NBR1: variants seen among roughly 807,000 people sequenced by gnomAD.
The protein encoded by NBR1 is NBR1 autophagy cargo receptor.
A neutral mutation model predicts 115.5 loss-of-function variants in NBR1; 59 were observed. That is an observed-to-expected ratio of 0.51 (90% CI 0.41 to 0.63). NBR1 has a LOEUF of 0.63. Ranked by LOEUF, NBR1 falls within the 30% of genes least tolerant of loss-of-function variation. The pLI, the probability that NBR1 is intolerant of heterozygous loss-of-function variation, is 0.00. For missense variants in NBR1, 1,043 were observed against 1,150.5 expected, an observed-to-expected ratio of 0.91 and a Z score of 1.35; for synonymous variants, 373 against 414.7, an observed-to-expected ratio of 0.90 and a Z score of 1.22.
intron 4 of NBR1, among the ~76,000 whole-genome samples, chr17:43,180,022 G>C (rs2056623790): frequency 6.6e-6 from 1 of 152,152 alleles, no homozygotes; most frequent in South Asian, 2.1e-4. Flanking sequence ...GCAACAAAAA[G>C]GGAGTTTGTC....
intron 20 of NBR1, among the ~76,000 whole-genome samples, chr17:43,205,861 G>C (rs2057303839): frequency 1.5e-5 from 2 of 137,284 alleles, no homozygotes; most frequent in South Asian, 5.4e-4. Context: ...GTGGGTGACA[G>C]AGTGAGACCA....
chr17:43,186,150 A>C, intron 5 of NBR1, 100 bp from the exon 6 acceptor site: 1 of 1,001,504 alleles, frequency 1.0e-6, no homozygotes. Context: ...AGTATTTTCT[A>C]GCATAACTTA....
At chr17:43,190,035 T>G in intron 8 of NBR1, 3 of 533,150 alleles carry the variant, frequency 5.6e-6, no homozygotes, top group Non-Finnish European at 1.0e-5. Flanking sequence ...CAAAATTATG[T>G]TCCCCTGAAC....
rs1297793874 is a variant in NBR1, at chr17:43,177,939, A to G, written c.106A>G (p.Lys36Glu). 1 of 1,537,062 alleles carries G rather than the reference A, an allele frequency of 6.5e-7. No homozygotes were observed. The highest frequency in any genetic ancestry group is 2.3e-5 in the East Asian group (1 of 43,262). ...TTWADIEAMV[K>E]VSFDLNTIQI... Reference sequence around the variant, plus strand: ...TAAATATGTATCTCTTTTATAGGTAAAAGTTTCATTTGATCTGAATACTAT... The same window carrying G: ...TAAATATGTATCTCTTTTATAGGTAGAAGTTTCATTTGATCTGAATACTAT... The change falls in exon 3 of 21, where the codon AAA becomes GAA. Residue 36 changes from lysine to glutamate, a missense_variant. Transcript: ENST00000590996.
At chr17:43,181,534 C>CG (rs1354433810) in intron 5 of NBR1, among the ~76,000 whole-genome samples, 3 of 130,398 alleles carry the variant, frequency 2.3e-5, no homozygotes, top group Non-Finnish European at 5.1e-5. Flanking sequence ...CGGGCGTGGG[C>CG]GGGTGCCTGT....
rs763155107 is a variant in NBR1 at position 43,202,747 on chromosome 17, A to T, written c.2621+35A>T. The T allele has an allele frequency of 1.9e-5, 29 of 1,513,188 alleles. No individual in the cohort carries two copies. The South Asian group carries it at 3.5e-4, about 18-fold the overall frequency. The allele number at this position is 1,513,188 out of a possible 1,614,324, so 93.7% of individuals were successfully genotyped here. On this transcript the variant is annotated intron_variant, in intron 19 of 20. Transcript: ENST00000590996. ...TTGTGCAGTCTCTTTTTTCAGAAGC[A>T]GGTGGATATTCTTGTATTCCTTCTG...
intron 18 of NBR1, among the ~76,000 whole-genome samples, chr17:43,202,098 T>C (rs985999080): frequency 1.4e-5 from 2 of 146,832 alleles, no homozygotes; most frequent in Non-Finnish European, 3.0e-5. Flanking sequence ...GAGAATCACA[T>C]GAACCTGGGA....
At chr17:43,188,980 C>T in intron 6 of NBR1, 62 bp from the exon 7 acceptor site, 1 of 1,160,692 alleles carries the variant, frequency 8.6e-7, no homozygotes, top group East Asian at 2.3e-5. Flanking sequence ...TAATACACTC[C>T]AGGAAAAGTA....
At chr17:43,178,768 CTT>C (rs770102583) in intron 3 of NBR1, among the ~76,000 whole-genome samples, 88 of 127,030 alleles carry the variant, frequency 6.9e-4, no homozygotes, top group Non-Finnish European at 6.8e-4. Flanking sequence ...AATGGCTAAG[CTT>C]TTTTTTTTTT....
chr17:43,178,653 A>G (rs561551636), intron 3 of NBR1, among the ~76,000 whole-genome samples: 2 of 152,202 alleles, frequency 1.3e-5, no homozygotes, highest in South Asian at 4.1e-4. Flanking sequence ...CTGGGATTAC[A>G]GTTGTGAGCT....
chr17:43,192,730 A>T (rs567751753), intron 10 of NBR1, among the ~76,000 whole-genome samples: 15 of 152,150 alleles, frequency 9.9e-5, no homozygotes, highest in Non-Finnish European at 1.8e-4. Context: ...AGAAACCACT[A>T]AAGTTCAAAA....
chr17:43,199,794 A>G (rs2057154165), intron 16 of NBR1, among the ~76,000 whole-genome samples: 1 of 152,142 alleles, frequency 6.6e-6, no homozygotes, highest in African/African-American at 2.4e-5. Context: ...TGCAATACTC[A>G]TCTCCTAACT....
At chr17:43,186,567 T>C (rs1241474928) in intron 6 of NBR1, 123 bp downstream of exon 6, 1 of 855,916 alleles carries the variant, frequency 1.2e-6, no homozygotes, top group African/African-American at 1.8e-5. Flanking sequence ...ATGTGCAGAA[T>C]GTGCAGGTTT....
At chr17:43,192,958 T>G in intron 10 of NBR1, 136 bp from the exon 11 acceptor site, 1 of 748,818 alleles carries the variant, frequency 1.3e-6, no homozygotes, top group Non-Finnish European at 2.2e-6. Flanking sequence ...CCTATACTAG[T>G]AATATCAGTA....
intron 10 of NBR1, among the ~76,000 whole-genome samples, chr17:43,191,955 C>T (rs564941965): frequency 6.7e-5 from 10 of 150,222 alleles, no homozygotes; most frequent in Non-Finnish European, 1.2e-4. Context: ...CTCTTGACCT[C>T]GTGATCCGCC....
At chr17:43,203,085 GGCGGAGGTT>G (rs1259119895) in intron 19 of NBR1, among the ~76,000 whole-genome samples, 1 of 152,016 alleles carries the variant, frequency 6.6e-6, no homozygotes, top group Non-Finnish European at 1.5e-5. Flanking sequence ...GAACCCAGGA[GGCGGAGGTT>G]GCAGTGAGCT....
chr17:43,194,218 A>G (rs2154582238), intron 12 of NBR1, 132 bp from the exon 13 acceptor site: 1 of 875,570 alleles, frequency 1.1e-6, no homozygotes, highest in South Asian at 1.9e-5. Flanking sequence ...CTATAACTGT[A>G]AAAATATATC....
chr17:43,205,152 G>A (rs954490998), intron 20 of NBR1, among the ~76,000 whole-genome samples: 2 of 151,888 alleles, frequency 1.3e-5, no homozygotes, highest in South Asian at 2.1e-4. Flanking sequence ...TCAGGAGTTC[G>A]AGACCATCCT....
intron 6 of NBR1, 103 bp from the exon 7 acceptor site, chr17:43,188,939 C>A: frequency 2.5e-6 from 2 of 809,902 alleles, no homozygotes; most frequent in Non-Finnish European, 4.1e-6. Context: ...AAATTATATA[C>A]TTGTATGATT....
Sources: allele counts gnomAD v4.1 joint callset (sites outside exome capture counted in the v4.1 genomes callset), GRCh38; gene constraint gnomAD v4.1.1; transcripts MANE v1.5; gene names NCBI Gene and HGNC (gene_info 2026-07-23, HGNC 2026-07-21).